The following RPS6KC1 variants were observed in gnomAD, a reference collection of about 807,000 sequenced individuals.
RPS6KC1 encodes the protein ribosomal protein S6 kinase C1, also known as inactive ribosomal protein S6 kinase delta-1.
Under a neutral mutation model 103.8 loss-of-function variants are expected in RPS6KC1, and 54 were observed. The observed-to-expected ratio is 0.52, with a 90% CI of 0.42 to 0.65. The LOEUF (loss-of-function observed/expected upper bound fraction) is 0.65, where lower values mean the gene tolerates loss of function less well. Ranked by LOEUF, RPS6KC1 falls within the 30% of genes least tolerant of loss-of-function variation. The probability of loss-of-function intolerance (pLI) is 0.00; values close to 1 mark genes in which losing one functional copy is unlikely to be tolerated. For synonymous variants in RPS6KC1, 439 were observed against 438.7 expected, an observed-to-expected ratio of 1.00 and a Z score of -0.01; for missense variants, 1,151 against 1,253.8, an observed-to-expected ratio of 0.92 and a Z score of 1.24.
intron 4 of RPS6KC1, 98 bp from the exon 5 acceptor site, chr1:213,117,219 G>T (rs932325028): frequency 2.2e-5 from 14 of 640,404 alleles, no homozygotes; most frequent in East Asian, 8.8e-5. Flanking sequence ...AGTCGTTTCT[G>T]TACATCTTTA....
the RPS6KC1 span, among the ~76,000 whole-genome samples, chr1:213,766,335 C>T: frequency 6.6e-6 from 1 of 152,174 alleles, no homozygotes. Flanking sequence ...GTCAGTTGCT[C>T]TTCTTGTATT....
At chr1:213,845,797 A>G in the RPS6KC1 span, among the ~76,000 whole-genome samples, 1 of 152,188 alleles carries the variant, frequency 6.6e-6, no homozygotes, top group Non-Finnish European at 1.5e-5. Context: ...TCACATGTGA[A>G]AAATAGGGAC....
At chr1:213,087,559 G>T (rs2080521896) in intron 3 of RPS6KC1, among the ~76,000 whole-genome samples, 1 of 152,196 alleles carries the variant, frequency 6.6e-6, no homozygotes, top group Non-Finnish European at 1.5e-5. Flanking sequence ...GTTAAGCTTA[G>T]CAACGGAGGG....
chr1:213,524,763 C>T, the RPS6KC1 span, among the ~76,000 whole-genome samples: 1 of 152,134 alleles, frequency 6.6e-6, no homozygotes, highest in African/African-American at 2.4e-5. Context: ...CAGTGCCTAC[C>T]ACTTGCACCT....
chr1:213,496,876 T>C, the RPS6KC1 span, among the ~76,000 whole-genome samples: 1 of 152,340 alleles, frequency 6.6e-6, no homozygotes, highest in Non-Finnish European at 1.5e-5. Flanking sequence ...ATCAGTAACT[T>C]GGAAATTTGC....
chr1:213,798,951 G>A, the RPS6KC1 span, among the ~76,000 whole-genome samples: 1 of 152,172 alleles, frequency 6.6e-6, no homozygotes, highest in African/African-American at 2.4e-5. Context: ...CATGGCTGGA[G>A]CATATTGGTC....
intron 3 of RPS6KC1, among the ~76,000 whole-genome samples, chr1:213,080,114 C>T (rs556044951): frequency 3.3e-5 from 5 of 151,986 alleles, no homozygotes; most frequent in South Asian, 2.1e-4. Flanking sequence ...GACAGAGTTT[C>T]GCCATGTTGG....
At chr1:213,849,261 G>A in the RPS6KC1 span, among the ~76,000 whole-genome samples, 7 of 152,166 alleles carry the variant, frequency 4.6e-5, no homozygotes, top group African/African-American at 1.7e-4. Context: ...GAGCAATGGA[G>A]GATGTGCCCA....
the RPS6KC1 span, among the ~76,000 whole-genome samples, chr1:213,537,838 C>T: frequency 6.6e-6 from 1 of 152,160 alleles, no homozygotes; most frequent in African/African-American, 2.4e-5. Context: ...TTATTGATGA[C>T]CTGCAAATGA....
At chr1:213,757,692 T>C in the RPS6KC1 span, among the ~76,000 whole-genome samples, 1 of 152,200 alleles carries the variant, frequency 6.6e-6, no homozygotes, top group African/African-American at 2.4e-5. Context: ...CAGCAGATTT[T>C]CAGTAAAGAC....
chr1:213,333,232 T>C, the RPS6KC1 span, among the ~76,000 whole-genome samples: 13 of 152,376 alleles, frequency 8.5e-5, no homozygotes, highest in Admixed American at 7.2e-4. Flanking sequence ...CCAACTGGTC[T>C]TGTACGTTCC....
intron 2 of RPS6KC1, among the ~76,000 whole-genome samples, chr1:213,076,352 A>C (rs1179633526): frequency 6.6e-6 from 1 of 152,226 alleles, no homozygotes; most frequent in African/African-American, 2.4e-5. Context: ...TTATACATAC[A>C]GAGGGTAGGT....
At chr1:213,834,289 T>C in the RPS6KC1 span, among the ~76,000 whole-genome samples, 2 of 152,162 alleles carry the variant, frequency 1.3e-5, no homozygotes, top group Admixed American at 6.5e-5. Flanking sequence ...CCTCCCAAAG[T>C]GGTGGGATTA....
intron 6 of RPS6KC1, among the ~76,000 whole-genome samples, chr1:213,161,623 A>G (rs1157736077): frequency 6.6e-6 from 1 of 152,196 alleles, no homozygotes; most frequent in African/African-American, 2.4e-5. Context: ...ACCTGCCCTC[A>G]TTCTTTGAAT....
chr1:213,495,654 G>A, the RPS6KC1 span, among the ~76,000 whole-genome samples: 991 of 152,200 alleles, frequency 6.5e-3, 8 homozygotes, highest in Non-Finnish European at 8.5e-3. Flanking sequence ...GGGAGCAGAA[G>A]GACAGAGAAG....
At chr1:213,299,259 A>G in the RPS6KC1 span, among the ~76,000 whole-genome samples, 1 of 152,208 alleles carries the variant, frequency 6.6e-6, no homozygotes, top group Non-Finnish European at 1.5e-5. Flanking sequence ...TCTAATTAAA[A>G]TATACTGTGG....
the RPS6KC1 span, among the ~76,000 whole-genome samples, chr1:213,405,929 C>T: frequency 1.3e-5 from 2 of 152,184 alleles, no homozygotes; most frequent in African/African-American, 2.4e-5. Context: ...AAGCCTCCTC[C>T]GACCCGGCTA....
chr1:213,637,805 C>T, the RPS6KC1 span, among the ~76,000 whole-genome samples: 1 of 151,716 alleles, frequency 6.6e-6, no homozygotes, highest in Non-Finnish European at 1.5e-5. Context: ...CTCATTATGG[C>T]TTTTTGTTTT....
the RPS6KC1 span, among the ~76,000 whole-genome samples, chr1:213,407,162 A>G: frequency 6.6e-6 from 1 of 151,382 alleles, no homozygotes; most frequent in African/African-American, 2.4e-5. Context: ...TGGGTTTCTC[A>G]CTGGATTTGG....
Sources: allele counts gnomAD v4.1 joint callset (sites outside exome capture counted in the v4.1 genomes callset), GRCh38; gene constraint gnomAD v4.1.1; transcripts MANE v1.5; gene names NCBI Gene and HGNC (gene_info 2026-07-23, HGNC 2026-07-21).